The following TYW1B variants were observed in gnomAD, a reference collection of about 807,000 sequenced individuals.
The protein encoded by TYW1B is tRNA-yW synthesizing protein 1 homolog B.
A neutral mutation model predicts 86.9 loss-of-function variants in TYW1B; 73 were observed. The observed-to-expected ratio is 0.84, with a 90% CI of 0.70 to 1.02. The LOEUF is 1.02. Ranked by LOEUF, TYW1B falls within the 50% of genes least tolerant of loss-of-function variation. The pLI, the probability that TYW1B is intolerant of heterozygous loss-of-function variation, is 0.00. For synonymous variants in TYW1B, 248 were observed against 292.8 expected (o/e 0.85, Z 1.56); for missense variants, 637 against 827.4 (o/e 0.77, Z 2.82).
At chr7:72,758,034 G>A (rs12698440) in intron 7 of TYW1B, among the ~76,000 whole-genome samples, 104,428 of 152,044 alleles carry the variant, frequency 0.69, 36,790 homozygotes, top group Non-Finnish European at 0.77. Context: ...CCTGGCCAAC[G>A]TGGCGAAACC....
intron 11 of TYW1B, among the ~76,000 whole-genome samples, chr7:72,652,777 A>G (rs1481577153): frequency 6.6e-6 from 1 of 152,210 alleles, no homozygotes; most frequent in Admixed American, 6.5e-5. Flanking sequence ...GTACTTCATC[A>G]TGTAAGAATG....
chr7:72,759,989 T>C (rs1449808429), intron 7 of TYW1B, among the ~76,000 whole-genome samples: 1 of 152,152 alleles, frequency 6.6e-6, no homozygotes, highest in East Asian at 1.9e-4. Flanking sequence ...TAATAAAAAG[T>C]ATGTCTGTCC....
intron 12 of TYW1B, among the ~76,000 whole-genome samples, chr7:72,618,900 A>T (rs1812146411): frequency 6.6e-6 from 1 of 152,132 alleles, no homozygotes; most frequent in African/African-American, 2.4e-5. Context: ...GTGAGATTTA[A>T]AAAAAATGGA....
chr7:72,768,564 G>A (rs1436073473), intron 7 of TYW1B, among the ~76,000 whole-genome samples: 2 of 152,094 alleles, frequency 1.3e-5, no homozygotes, highest in African/African-American at 4.8e-5. Flanking sequence ...GAGGCGGGCG[G>A]ATCACGAGGT....
chr7:72,823,289 G>A (rs1345685325), intron 2 of TYW1B: 1 of 151,584 alleles, frequency 6.6e-6, no homozygotes, highest in Non-Finnish European at 1.5e-5. Context: ...GATTACAGGC[G>A]TGAGCCACCA....
At chr7:72,663,554 CG>C (rs1288343459) in intron 11 of TYW1B, among the ~76,000 whole-genome samples, 1 of 151,694 alleles carries the variant, frequency 6.6e-6, no homozygotes, top group Non-Finnish European at 1.5e-5. Flanking sequence ...GTCAGGAGAT[CG>C]AGACCATCCT....
At chr7:72,616,647 G>A (rs782101205) in intron 13 of TYW1B, 25 bp downstream of exon 13, 24 of 1,613,978 alleles carry the variant, frequency 1.5e-5, no homozygotes, top group Non-Finnish European at 1.9e-5. Flanking sequence ...GGGAACAGAA[G>A]ATTCCATGTT....
In TYW1B at chr7:72,645,119, G is replaced by A. The variant is rs568106660; in HGVS notation, c.1507-16122C>T. 1.1e-3 allele frequency among the ~76,000 whole-genome samples: 170 copies of A among 152,230 alleles called. 1 individual carries two copies. The highest frequency in any genetic ancestry group is 3.9e-3 in the African/African-American group (161 of 41,552). On this transcript the variant is annotated intron_variant, in intron 11 of 13. Coordinates refer to ENST00000620995, the MANE Select transcript of TYW1B (RefSeq NM_001145440.3). ...TGGGATTACAGGCGTGAGCCGCCGC[G>A]CCCAGCCATGACTTTCTTAAACAGG...
In TYW1B at chr7:72,828,155, A is replaced by G. The variant is rs1788978548; in HGVS notation, c.-80T>C. 1 of 1,600,316 alleles carries G rather than the reference A, an allele frequency of 6.2e-7. No individual in the cohort carries two copies. Among genetic ancestry groups the G allele is most frequent in the Non-Finnish European group, 8.5e-7 (1 of 1,173,714 alleles). ...CGCACTGGTACTGCGAGACGCACCG[A>G]GCTACCTCGCGGCGTTAGCGCCGTA... On this transcript the variant is annotated 5_prime_UTR_variant, in exon 1 of 14. Coordinates refer to ENST00000620995, the MANE Select transcript of TYW1B (RefSeq NM_001145440.3).
At chr7:72,684,459 A>T (rs1813956142) in intron 11 of TYW1B, among the ~76,000 whole-genome samples, 1 of 152,138 alleles carries the variant, frequency 6.6e-6, no homozygotes, top group South Asian at 2.1e-4. Context: ...ACCACCTAGA[A>T]TCTGCACCCT....
chr7:72,794,144 T>TG (rs1396804171), intron 6 of TYW1B, among the ~76,000 whole-genome samples: 1 of 152,054 alleles, frequency 6.6e-6, no homozygotes, highest in African/African-American at 2.4e-5. Context: ...GACAGCAGGA[T>TG]GGGGGCAAGG....
At chr7:72,726,829 A>G (rs1290932168) in intron 9 of TYW1B, among the ~76,000 whole-genome samples, 3 of 152,082 alleles carry the variant, frequency 2.0e-5, no homozygotes, top group African/African-American at 7.2e-5. Flanking sequence ...GGTTTGATTG[A>G]CTCGCAGTTC....
Position 72,663,849 on chromosome 7 carries a change from AT to A in TYW1B, c.1506+30837del, listed in dbSNP as rs1234074899. On this transcript the variant is annotated intron_variant, in intron 11 of 13. Transcript: ENST00000620995. ...AACTTGGAGTCTCGGACTCATGTTA[AT>A]TTTTTTTTTAATCTTACGACACTCT... is the stretch of plus-strand genomic sequence containing the variant. 7.0e-3 allele frequency among the ~76,000 whole-genome samples: 1,038 copies of A among 147,382 alleles called. 16 individuals are homozygous for A. Among genetic ancestry groups the A allele is most frequent in the African/African-American group, 0.025 (1,001 of 39,872 alleles).
intron 1 of TYW1B, 94 bp downstream of exon 1, chr7:72,827,978 G>A (rs190231611): frequency 1.3e-4 from 207 of 1,586,078 alleles, no homozygotes; most frequent in Non-Finnish European, 1.6e-4. Flanking sequence ...TCCGAAGGAA[G>A]GGGACCGAGG....
chr7:72,711,099 G>T (rs549042228), intron 10 of TYW1B, among the ~76,000 whole-genome samples: 2 of 152,234 alleles, frequency 1.3e-5, no homozygotes, highest in South Asian at 4.1e-4. Context: ...TGAGGGAAAA[G>T]TCTCTTGGGT....
intron 11 of TYW1B, among the ~76,000 whole-genome samples, chr7:72,639,921 G>C (rs1812764157): frequency 6.6e-6 from 1 of 150,842 alleles, no homozygotes. Context: ...ATATGCAAAA[G>C]TAAAATGTAC....
chr7:72,753,133 G>A (rs1787529328), intron 7 of TYW1B, among the ~76,000 whole-genome samples: 1 of 151,268 alleles, frequency 6.6e-6, no homozygotes, highest in Non-Finnish European at 1.5e-5. Flanking sequence ...AAAAAAGAAA[G>A]AAGAGCTCGC....
At chr7:72,737,782 T>A (rs1787222688) in intron 8 of TYW1B, among the ~76,000 whole-genome samples, 1 of 117,352 alleles carries the variant, frequency 8.5e-6, no homozygotes, top group African/African-American at 3.2e-5. Context: ...GGTCACATTT[T>A]ACTTCTTTTT....
At chr7:72,807,448 C>T in intron 4 of TYW1B, 92 bp from the exon 5 acceptor site, 1 of 1,500,806 alleles carries the variant, frequency 6.7e-7, no homozygotes, top group African/African-American at 1.4e-5. Context: ...CTTCTGGGGC[C>T]CCTGGTCATG....
Sources: gnomAD v4.1 joint callset for allele counts (sites outside exome capture counted in the v4.1 genomes callset) on GRCh38, gnomAD v4.1.1 for gene constraint, MANE v1.5 for transcripts, NCBI Gene and HGNC (gene_info 2026-07-23, HGNC 2026-07-21) for gene names.